The following NRG1 variants were observed in gnomAD, a reference collection of about 807,000 sequenced individuals.
The protein encoded by NRG1 is pro-neuregulin-1, membrane-bound isoform.
A neutral mutation model predicts 63.8 loss-of-function variants in NRG1; 18 were observed. That is an observed-to-expected ratio of 0.28 (90% CI 0.19 to 0.42). The LOEUF (loss-of-function observed/expected upper bound fraction) is 0.42, where lower values mean the gene tolerates loss of function less well. Ranked by LOEUF, NRG1 falls within the 10% of genes least tolerant of loss-of-function variation. NRG1 has a pLI of 1.00. For missense variants in NRG1, 762 were observed against 814.7 expected, an observed-to-expected ratio of 0.94 and a Z score of 0.79; for synonymous variants, 302 against 301.3, an observed-to-expected ratio of 1.00 and a Z score of -0.02.
intron 1 of NRG1, among the ~76,000 whole-genome samples, chr8:32,423,298 C>T (rs536788698): frequency 5.9e-5 from 9 of 152,288 alleles, no homozygotes; most frequent in African/African-American, 2.2e-4. Flanking sequence ...CACAGCCACA[C>T]ACAAGGCAGC....
chr8:32,732,799 C>CTTTTT (rs1173388613), intron 6 of NRG1, among the ~76,000 whole-genome samples: 254 of 83,320 alleles, frequency 3.0e-3, no homozygotes, highest in Non-Finnish European at 3.3e-3. Flanking sequence ...TGTTTAATTT[C>CTTTTT]TTTTTTTTTT....
At chr8:32,044,732 C>CA (rs35288996) in intron 1 of NRG1, among the ~76,000 whole-genome samples, 60,550 of 148,512 alleles carry the variant, frequency 0.41, 12,577 homozygotes, top group East Asian at 0.65. Flanking sequence ...GAAGAAGTGT[C>CA]AAAAAAAAAT....
intron 1 of NRG1, among the ~76,000 whole-genome samples, chr8:32,345,310 T>TG (rs34384123): frequency 0.86 from 130,899 of 152,106 alleles, 56,629 homozygotes; most frequent in Middle Eastern, 0.92. Context: ...TTGGCTCTGT[T>TG]GTCTGGAAGC....
rs372325103 is a variant in NRG1 at position 32,234,368 on chromosome 8, A to G, written c.38-361460A>G. 2.6e-5 allele frequency among the ~76,000 whole-genome samples: 4 copies of G among 152,342 alleles called. No individual in the cohort carries two copies. In the East Asian group the frequency reaches 7.7e-4, roughly 29 times the overall value. On this transcript the variant is annotated intron_variant, in intron 1 of 10. Coordinates refer to the NRG1 transcript ENST00000519301. The stretch of plus-strand genomic sequence containing the variant: ...TGCATTTATGAGCAATCATGCATGT[A>G]TATCATCAGATTTAACCTTCACAAC...
chr8:32,120,638 A>G (rs1250288588), intron 1 of NRG1, among the ~76,000 whole-genome samples: 6 of 151,976 alleles, frequency 3.9e-5, no homozygotes, highest in Admixed American at 1.3e-4. Context: ...TTTTATTATT[A>G]TAGTGCTGAA....
intron 5 of NRG1, among the ~76,000 whole-genome samples, chr8:32,693,214 CTTTTTT>C (rs34318329): frequency 1.4e-5 from 2 of 138,622 alleles, no homozygotes; most frequent in African/African-American, 5.3e-5. Flanking sequence ...ATGGGTCACT[CTTTTTT>C]TTTTTTTTTT....
chr8:31,752,957 G>A (rs890285619), intron 1 of NRG1, among the ~76,000 whole-genome samples: 4 of 152,116 alleles, frequency 2.6e-5, no homozygotes, highest in African/African-American at 9.6e-5. Context: ...GCCACCTACT[G>A]TGTTTTATTC....
At chr8:31,925,083 C>A (rs1034820112) in intron 1 of NRG1, among the ~76,000 whole-genome samples, 7 of 53,878 alleles carry the variant, frequency 1.3e-4, no homozygotes, top group African/African-American at 5.8e-4. Context: ...ATTTTAAAAG[C>A]AGTGCATTAT....
chr8:32,251,194 C>T (rs1849059643), intron 1 of NRG1, among the ~76,000 whole-genome samples: 2 of 152,156 alleles, frequency 1.3e-5, no homozygotes, highest in African/African-American at 4.8e-5. Context: ...TCTCCTAATG[C>T]TATCCCTCCC....
At chr8:32,120,570 C>G (rs1453607761) in intron 1 of NRG1, among the ~76,000 whole-genome samples, 1 of 152,050 alleles carries the variant, frequency 6.6e-6, no homozygotes, top group Non-Finnish European at 1.5e-5. Flanking sequence ...TTTCTTTCTT[C>G]AAATGTTAAA....
chr8:32,304,032 A>T (rs973855194), intron 1 of NRG1, among the ~76,000 whole-genome samples: 3 of 152,190 alleles, frequency 2.0e-5, no homozygotes, highest in South Asian at 2.1e-4. Context: ...TACAAAAAAA[A>T]CTCAGAATAT....
intron 1 of NRG1, among the ~76,000 whole-genome samples, chr8:32,281,074 C>T (rs975236509): frequency 1.3e-5 from 2 of 151,358 alleles, no homozygotes; most frequent in Non-Finnish European, 2.9e-5. Flanking sequence ...TCAGATGGCA[C>T]ATGTGCAGGT....
chr8:32,720,746 T>C (rs1820414481), intron 5 of NRG1, among the ~76,000 whole-genome samples: 1 of 152,116 alleles, frequency 6.6e-6, no homozygotes, highest in African/African-American at 2.4e-5. Flanking sequence ...ATGTTTCTCC[T>C]GAGAAATAGT....
At chr8:32,608,321 C>G (rs899900012) in intron 3 of NRG1, among the ~76,000 whole-genome samples, 6 of 151,052 alleles carry the variant, frequency 4.0e-5, no homozygotes, top group Non-Finnish European at 8.9e-5. Flanking sequence ...CAGGTGCATG[C>G]CATTACGCCT....
intron 1 of NRG1, among the ~76,000 whole-genome samples, chr8:31,803,672 T>TTC (rs1822005462): frequency 6.6e-6 from 1 of 152,188 alleles, no homozygotes; most frequent in Non-Finnish European, 1.5e-5. Flanking sequence ...AAATGACCTT[T>TTC]TAAAAAGTAT....
Position 31,776,920 on chromosome 8 carries a change from GA to G in NRG1, c.37+137492del, listed in dbSNP as rs772050069. On this transcript the variant is annotated intron_variant, in intron 1 of 10. Transcript: ENST00000519301. ...CAGCAGGTTCTGGAGAGGATGTGGA[GA>G]AATAGGAACACTTTTACACTGTTGG... Among the ~76,000 whole-genome samples, 7 of 152,294 alleles carry G rather than the reference GA, an allele frequency of 4.6e-5. 1 individual carries two copies. The highest frequency in any genetic ancestry group is 1.3e-4 in the Admixed American group (2 of 15,298).
chr8:32,487,560 A>T (rs1224330191), intron 1 of NRG1, among the ~76,000 whole-genome samples: 4 of 152,188 alleles, frequency 2.6e-5, no homozygotes. Context: ...TTTCAGAGAT[A>T]AGAGCCAACT....
intron 1 of NRG1, among the ~76,000 whole-genome samples, chr8:31,903,205 G>A (rs1443059167): frequency 2.8e-5 from 4 of 144,670 alleles, no homozygotes; most frequent in Non-Finnish European, 6.0e-5. Flanking sequence ...CTGAAGTGCA[G>A]TGGCGCAATC....
At chr8:32,409,800 C>T (rs1814630829) in intron 1 of NRG1, among the ~76,000 whole-genome samples, 1 of 152,184 alleles carries the variant, frequency 6.6e-6, no homozygotes, top group Admixed American at 6.5e-5. Context: ...ATGACATTGA[C>T]TCTCTTCACA....
Sources: allele counts gnomAD v4.1 joint callset (sites outside exome capture counted in the v4.1 genomes callset), GRCh38; gene constraint gnomAD v4.1.1; transcripts MANE v1.5; gene names NCBI Gene and HGNC (gene_info 2026-07-23, HGNC 2026-07-21).